Variants in DENND5B observed in about 807,000 individuals in gnomAD.
The protein encoded by DENND5B is DENN domain-containing protein 5B.
A neutral mutation model predicts 140.6 loss-of-function variants in DENND5B; 34 were observed. The observed-to-expected ratio is 0.24, with a 90% CI of 0.18 to 0.32. DENND5B has a LOEUF of 0.32. Among genes scored for constraint, DENND5B ranks in the 10% least tolerant of loss-of-function variants. The pLI is 1.00. For synonymous variants in DENND5B, 551 were observed against 562.1 expected, an observed-to-expected ratio of 0.98 and a Z score of 0.28; for missense variants, 1,142 against 1,560.2, an observed-to-expected ratio of 0.73 and a Z score of 4.52.
At chr12:31,582,115 C>T (rs1384040012) in intron 1 of DENND5B, among the ~76,000 whole-genome samples, 1 of 152,100 alleles carries the variant, frequency 6.6e-6, no homozygotes, top group African/African-American at 2.4e-5. Context: ...GATGTGGAAC[C>T]CACACACATG....
Position 31,452,334 on chromosome 12 carries a change from T to C in DENND5B, c.1235A>G (p.His412Arg), listed in dbSNP as rs768917774. The C allele has an allele frequency of 2.0e-5, 32 of 1,613,864 alleles. No homozygotes were observed. Among genetic ancestry groups the C allele is most frequent in the Non-Finnish European group, 1.6e-5 (19 of 1,179,896 alleles). The change falls in exon 5 of 21, where the codon CAT becomes CGT. Residue 412 changes from histidine (H) to arginine (R), a missense_variant. Physicochemically the swap from His to Arg is conservative, Grantham distance 29. Around this residue, in one of 5 missense-constraint regions of DENND5B, gnomAD observed 708 missense variants for 905.5 expected, o/e 0.78. Coordinates refer to ENST00000389082, the MANE Select transcript of DENND5B (RefSeq NM_144973.4). ...CAGTTTGCTGGTACTCTCACTGCAA[T>C]GTAGGCTGCCCTCAGGAGGGATCCC... The part of the protein sequence containing the change: ...QFGIPPEGSL[H>R]CSESTSKLKN...
At chr12:31,551,782 C>T (rs1258721773) in intron 1 of DENND5B, among the ~76,000 whole-genome samples, 1 of 152,186 alleles carries the variant, frequency 6.6e-6, no homozygotes, top group Non-Finnish European at 1.5e-5. Flanking sequence ...CCCTTCACAT[C>T]CCTTGTAAGT....
intron 1 of DENND5B, among the ~76,000 whole-genome samples, chr12:31,574,889 A>T (rs1407769122): frequency 6.6e-6 from 1 of 152,202 alleles, no homozygotes; most frequent in Non-Finnish European, 1.5e-5. Flanking sequence ...AAAATGAAGC[A>T]CTGCCAGACA....
In DENND5B at chr12:31,426,413, T is replaced by C. The variant is rs1474084754; in HGVS notation, c.2118A>G (p.Gln706=). The C allele has an allele frequency of 6.2e-7, 1 of 1,610,510 alleles. No individual in the cohort carries two copies. The highest frequency in any genetic ancestry group is 2.2e-5 in the East Asian group (1 of 44,830). The change falls in exon 9 of 21, where the codon CAA becomes CAG. Residue 706 remains glutamine, a synonymous_variant. Coordinates refer to ENST00000389082, the MANE Select transcript of DENND5B (RefSeq NM_144973.4). ...GGTTTTTTCCTAAACTTCGTGCCTCTTGCATATATTTCTAAAAAATCAAGG... is the reference window on the plus strand; with the variant it reads ...GGTTTTTTCCTAAACTTCGTGCCTCCTGCATATATTTCTAAAAAATCAAGG... ...LDNDLREKYM[Q]EARSLGKNLR...
intron 1 of DENND5B, among the ~76,000 whole-genome samples, chr12:31,568,975 C>G (rs1265246712): frequency 6.6e-6 from 1 of 151,638 alleles, no homozygotes; most frequent in African/African-American, 2.4e-5. Context: ...GTCTTGAACT[C>G]CTGGGCTCAA....
At chr12:31,391,029 A>G (rs1287688111) in intron 19 of DENND5B, among the ~76,000 whole-genome samples, 1 of 152,178 alleles carries the variant, frequency 6.6e-6, no homozygotes, top group Admixed American at 6.5e-5. Context: ...CAAACAAACA[A>G]AAACGTTCTA....
chr12:31,551,411 C>T (rs1246895649), intron 1 of DENND5B, among the ~76,000 whole-genome samples: 1 of 152,036 alleles, frequency 6.6e-6, no homozygotes, highest in East Asian at 1.9e-4. Flanking sequence ...TGCTCTGTTC[C>T]ATTGATCTAT....
At chr12:31,562,457 A>G (rs1949508501) in intron 1 of DENND5B, among the ~76,000 whole-genome samples, 1 of 152,100 alleles carries the variant, frequency 6.6e-6, no homozygotes. Context: ...ATACAAATAC[A>G]AAATTAGCTG....
intron 4 of DENND5B, among the ~76,000 whole-genome samples, chr12:31,459,441 C>G (rs968274104): frequency 6.6e-6 from 1 of 152,118 alleles, no homozygotes; most frequent in Non-Finnish European, 1.5e-5. Flanking sequence ...AGGTGTGTGC[C>G]ACCATGCCTG....
At chr12:31,459,183 A>G (rs12829599) in intron 4 of DENND5B, among the ~76,000 whole-genome samples, 2 of 150,694 alleles carry the variant, frequency 1.3e-5, no homozygotes, top group African/African-American at 4.9e-5. Flanking sequence ...AGCCTGGGCA[A>G]CAAGAGCGAA....
intron 11 of DENND5B, among the ~76,000 whole-genome samples, chr12:31,419,229 C>T (rs793150): frequency 0.19 from 28,280 of 152,196 alleles, 2,939 homozygotes; most frequent in Non-Finnish European, 0.25. Context: ...CTTTCTCCTT[C>T]AAAATAAAGA....
In DENND5B at chr12:31,452,335, G is replaced by A. The variant is rs1593202000; in HGVS notation, c.1234C>T (p.His412Tyr). ...QFGIPPEGSL[H>Y]CSESTSKLKN... ...AGTTTGCTGGTACTCTCACTGCAAT[G>A]TAGGCTGCCCTCAGGAGGGATCCCA... is the stretch of plus-strand genomic sequence containing the variant. The change falls in exon 5 of 21, where the codon CAT becomes TAT. Residue 412 changes from histidine (H) to tyrosine (Y), a missense_variant. Coordinates refer to ENST00000389082, the MANE Select transcript of DENND5B (RefSeq NM_144973.4). 7.4e-6 allele frequency: 12 copies of A among 1,613,976 alleles called. No individual in the cohort carries two copies. The highest frequency in any genetic ancestry group is 9.3e-6 in the Non-Finnish European group (11 of 1,179,890).
chr12:31,410,000 TAG>T (rs1322023365), intron 13 of DENND5B, among the ~76,000 whole-genome samples: 1 of 152,176 alleles, frequency 6.6e-6, no homozygotes, highest in Non-Finnish European at 1.5e-5. Flanking sequence ...CTTGAAAAAA[TAG>T]ATTCATTCTA....
intron 14 of DENND5B, among the ~76,000 whole-genome samples, chr12:31,404,260 G>T (rs376213249): frequency 6.6e-6 from 1 of 152,048 alleles, no homozygotes. Context: ...AAGCACATAA[G>T]CATTTTTGTC....
At chr12:31,446,356 C>T (rs1441321858) in intron 6 of DENND5B, among the ~76,000 whole-genome samples, 1 of 152,062 alleles carries the variant, frequency 6.6e-6, no homozygotes, top group African/African-American at 2.4e-5. Flanking sequence ...GCCATGTCGG[C>T]CAGGCTGGTC....
chr12:31,514,046 A>C (rs761819151), intron 1 of DENND5B, among the ~76,000 whole-genome samples: 1 of 151,994 alleles, frequency 6.6e-6, no homozygotes, highest in Non-Finnish European at 1.5e-5. Flanking sequence ...GGGTGTCACT[A>C]TGTTGCCCAA....
At chr12:31,567,401 C>A (rs1949668503) in intron 1 of DENND5B, among the ~76,000 whole-genome samples, 1 of 151,884 alleles carries the variant, frequency 6.6e-6, no homozygotes, top group South Asian at 2.1e-4. Flanking sequence ...TTACTCCCAC[C>A]ACTACTATTC....
chr12:31,425,241 G>C (rs2137729592), intron 9 of DENND5B, among the ~76,000 whole-genome samples: 1 of 152,336 alleles, frequency 6.6e-6, no homozygotes, highest in South Asian at 2.1e-4. Context: ...GAACCCAGGA[G>C]GTAGAGGTTG....
intron 1 of DENND5B, among the ~76,000 whole-genome samples, chr12:31,563,221 T>C (rs972735163): frequency 2.6e-5 from 4 of 152,160 alleles, no homozygotes; most frequent in African/African-American, 9.7e-5. Context: ...GACTTAAACA[T>C]GAAAATCCGT....
Sources: allele counts gnomAD v4.1 joint callset (sites outside exome capture counted in the v4.1 genomes callset), GRCh38; gene constraint gnomAD v4.1.1; regional missense constraint gnomAD v4.1.1; transcripts MANE v1.5; gene names NCBI Gene and HGNC (gene_info 2026-07-23, HGNC 2026-07-21).